The following TRHDE variants were observed in gnomAD, a reference collection of about 807,000 sequenced individuals.
TRHDE encodes thyrotropin releasing hormone degrading enzyme.
A neutral mutation model predicts 125.7 loss-of-function variants in TRHDE; 72 were observed. The ratio of observed to expected loss-of-function variants is 0.57; its 90% CI spans 0.47 to 0.70. The LOEUF is 0.70. TRHDE is among the 30% of genes least tolerant of loss of function. The pLI is 0.00. For synonymous variants in TRHDE, 509 were observed against 509.1 expected (o/e 1.00, Z 0.00); for missense variants, 1,110 against 1,327.1 (o/e 0.84, Z 2.54).
At chr12:72,364,068 C>T (rs1013735817) in intron 2 of TRHDE, among the ~76,000 whole-genome samples, 8 of 151,926 alleles carry the variant, frequency 5.3e-5, no homozygotes, top group South Asian at 2.1e-4. Flanking sequence ...TTACAAGGGA[C>T]GTGAAGGACC....
chr12:72,178,562 T>C (rs767631416), intron 2 of TRHDE, among the ~76,000 whole-genome samples: 15 of 152,054 alleles, frequency 9.9e-5, no homozygotes, highest in Admixed American at 3.9e-4. Flanking sequence ...CTGTAGCCTG[T>C]GTGTTTGACA....
chr12:72,115,639 T>C (rs1352307181), intron 2 of TRHDE, among the ~76,000 whole-genome samples: 3 of 152,142 alleles, frequency 2.0e-5, no homozygotes, highest in African/African-American at 4.8e-5. Flanking sequence ...TTTTCCCCAG[T>C]GGTTGTACTA....
intron 2 of TRHDE, among the ~76,000 whole-genome samples, chr12:72,132,808 C>G (rs1293262225): frequency 6.6e-6 from 1 of 152,176 alleles, no homozygotes; most frequent in Admixed American, 6.5e-5. Flanking sequence ...CTGATAGACA[C>G]TACAAGACAG....
chr12:72,171,569 G>A (rs971437530), intron 2 of TRHDE, among the ~76,000 whole-genome samples: 6 of 152,148 alleles, frequency 3.9e-5, no homozygotes, highest in Non-Finnish European at 7.4e-5. Context: ...GTGCCCAGAT[G>A]TCCTGGTCCA....
At chr12:72,518,972 C>A (rs1357772147) in intron 6 of TRHDE, among the ~76,000 whole-genome samples, 1 of 152,126 alleles carries the variant, frequency 6.6e-6, no homozygotes, top group Admixed American at 6.5e-5. Context: ...TGAATATTGG[C>A]CCCCACTCTC....
chr12:72,582,296 A>G, intron 12 of TRHDE: 1 of 984,634 alleles, frequency 1.0e-6, no homozygotes, highest in Non-Finnish European at 1.2e-6. Context: ...TAATGGCTAA[A>G]GAAGAAGAAA....
At chr12:72,200,330 G>C (rs576906432) in intron 2 of TRHDE, among the ~76,000 whole-genome samples, 7 of 152,260 alleles carry the variant, frequency 4.6e-5, no homozygotes, top group Non-Finnish European at 4.4e-5. Flanking sequence ...AGGAAAGTCT[G>C]TAAATATAAT....
Position 72,566,426 on chromosome 12 carries a change from A to G in TRHDE, c.2043-2142A>G, listed in dbSNP as rs151228877. Among the ~76,000 whole-genome samples the G allele has an allele frequency of 6.5e-3, 983 of 151,082 alleles. 3 individuals carry two copies. The highest frequency in any genetic ancestry group is 9.8e-3 in the Non-Finnish European group (664 of 67,792). On this transcript the variant is annotated intron_variant, in intron 9 of 18. Coordinates refer to ENST00000261180, the MANE Select transcript of TRHDE (RefSeq NM_013381.3). ...TTAGTTAACCTTATAGTTAACTTGT[A>G]TCTGAACAGCTGTGTGATACAATGC...
intron 12 of TRHDE, among the ~76,000 whole-genome samples, chr12:72,599,241 C>A (rs969005889): frequency 6.6e-6 from 1 of 152,140 alleles, no homozygotes; most frequent in Middle Eastern, 3.4e-3. Flanking sequence ...TGGATATATA[C>A]CTAGTAATGA....
intron 2 of TRHDE, among the ~76,000 whole-genome samples, chr12:72,157,522 T>C (rs1652038194): frequency 6.6e-6 from 1 of 152,204 alleles, no homozygotes; most frequent in African/African-American, 2.4e-5. Flanking sequence ...GTTCCAAGTA[T>C]ACTTAAAAGG....
intron 5 of TRHDE, among the ~76,000 whole-genome samples, chr12:72,490,787 A>G (rs670661): frequency 0.19 from 29,163 of 150,378 alleles, 3,566 homozygotes; most frequent in East Asian, 0.51. Flanking sequence ...CCTTGAATAT[A>G]TAGAGATAGA....
intron 3 of TRHDE, among the ~76,000 whole-genome samples, chr12:72,418,156 G>A (rs917135453): frequency 3.9e-5 from 6 of 152,084 alleles, no homozygotes; most frequent in South Asian, 2.1e-4. Context: ...ATCAAAATTC[G>A]TTCTCAAGAG....
intron 3 of TRHDE, among the ~76,000 whole-genome samples, chr12:72,442,788 G>C (rs1252424286): frequency 6.7e-6 from 1 of 150,330 alleles, no homozygotes; most frequent in Non-Finnish European, 1.5e-5. Flanking sequence ...TAAACAATAA[G>C]GAGAGGATTT....
At chr12:72,158,093 T>C (rs1876557378) in intron 2 of TRHDE, among the ~76,000 whole-genome samples, 3 of 152,150 alleles carry the variant, frequency 2.0e-5, no homozygotes, top group Non-Finnish European at 4.4e-5. Context: ...AAGTTCACAA[T>C]GTTCATGCAA....
intron 2 of TRHDE, among the ~76,000 whole-genome samples, chr12:72,355,885 A>G (rs543675135): frequency 6.6e-6 from 1 of 151,998 alleles, no homozygotes; most frequent in Admixed American, 6.6e-5. Context: ...AGCTATTACT[A>G]AAAAGTCAGA....
At chr12:72,145,852 T>G (rs115272307) in intron 2 of TRHDE, among the ~76,000 whole-genome samples, 4,459 of 152,234 alleles carry the variant, frequency 0.029, 108 homozygotes, top group African/African-American at 0.065. Flanking sequence ...TGCCCAAATA[T>G]CTTAAAAAAC....
chr12:72,285,646 G>A (rs893446279), intron 1 of TRHDE, among the ~76,000 whole-genome samples: 4 of 150,618 alleles, frequency 2.7e-5, no homozygotes, highest in East Asian at 2.0e-4. Flanking sequence ...TCAGCCTTCC[G>A]AATAACTGGG....
intron 9 of TRHDE, among the ~76,000 whole-genome samples, chr12:72,566,601 A>G (rs1364319135): frequency 2.3e-5 from 2 of 85,688 alleles, no homozygotes; most frequent in East Asian, 6.7e-4. Flanking sequence ...AGAATAAATA[A>G]TTTAAATACA....
At chr12:72,372,705 T>C (rs1012166435) in intron 2 of TRHDE, among the ~76,000 whole-genome samples, 3 of 152,200 alleles carry the variant, frequency 2.0e-5, no homozygotes, top group East Asian at 1.9e-4. Flanking sequence ...GTTGTAGATA[T>C]GCGGCACTAT....
Sources: gnomAD v4.1 joint callset for allele counts (sites outside exome capture counted in the v4.1 genomes callset) on GRCh38, gnomAD v4.1.1 for gene constraint, MANE v1.5 for transcripts, NCBI Gene and HGNC (gene_info 2026-07-23, HGNC 2026-07-21) for gene names.